CCDC78: variants seen among roughly 807,000 people sequenced by gnomAD.
The protein encoded by CCDC78 is coiled-coil domain-containing protein 78.
A neutral mutation model predicts 61.9 loss-of-function variants in CCDC78; 78 were observed. That is an observed-to-expected ratio of 1.26 (90% CI 1.05 to 1.52). The LOEUF is 1.52. Among genes scored for constraint, CCDC78 ranks in the 40% most tolerant of loss-of-function variants. The pLI, the probability that CCDC78 is intolerant of heterozygous loss-of-function variation, is 0.00. For synonymous variants in CCDC78, 287 were observed against 251.9 expected (o/e 1.14, Z -1.32); for missense variants, 737 against 615.5 (o/e 1.20, Z -2.09).
At position 724,372 on chromosome 16, in the gene CCDC78, C is replaced by G; in HGVS notation, c.903G>C (p.Lys301Asn). The G allele has an allele frequency of 6.2e-7, 1 of 1,612,352 alleles. No individual in the cohort carries two copies. Among genetic ancestry groups the G allele is most frequent in the Non-Finnish European group, 8.5e-7 (1 of 1,179,954 alleles). ...QLARAARSYH[K>N]RLVDLSRRHE... Reference sequence around the variant, plus strand: ...GCCTGCGGCTCAGATCCACCAGCCTCTTGTGGTAGCTGCGGGCAGCCCGGG... The same window carrying G: ...GCCTGCGGCTCAGATCCACCAGCCTGTTGTGGTAGCTGCGGGCAGCCCGGG... The change falls in exon 9 of 14, where the codon AAG (lysine) becomes AAC (asparagine). Residue 301 changes from lysine (K) to asparagine (N), a missense_variant. Physicochemically the swap from Lys to Asn is moderately conservative, Grantham distance 94. Transcript: ENST00000345165.
rs201331082 is a variant in CCDC78 at position 725,036 on chromosome 16, T to G, written c.560+42A>C. 7.6e-5 allele frequency: 122 copies of G among 1,612,540 alleles called. No homozygotes were observed. The African/African-American group carries it at 1.4e-3, about 18-fold the overall frequency. On this transcript the variant is annotated intron_variant, in intron 6 of 13. Coordinates refer to ENST00000345165, the MANE Select transcript of CCDC78 (RefSeq NM_001378030.1). The stretch of plus-strand genomic sequence containing the variant: ...TCAGCAGGCCCACGATCAGGGGTTC[T>G]CTCTGCTCCAGGATGGGGCCCCAGG...
intron 11 of CCDC78, chr16:723,612 C>T (rs1270606864): frequency 8.7e-6 from 6 of 693,178 alleles, no homozygotes; most frequent in Non-Finnish European, 1.6e-5. Context: ...CAGGTGTGCT[C>T]TCCCTGATCC....
chr16:725,553 C>G lies in CCDC78; in HGVS notation c.295G>C (p.Glu99Gln). Reference protein sequence around the residue: ...EILRLESRVLELELRGDGTSQ... With the variant: ...EILRLESRVLQLELRGDGTSQ... ...GTGCCATCTCCTCGCAGCTCCAGCT[C>G]CAGTACCCGGCTCTCCAGCCGAAGG... is the stretch of plus-strand genomic sequence containing the variant. Residue 99 changes from glutamate to glutamine, a missense_variant, in exon 4 of 14, where the codon GAG (glutamate) becomes CAG (glutamine). Transcript: ENST00000345165. 12 of 1,610,906 alleles carry G rather than the reference C, an allele frequency of 7.4e-6. No homozygotes were observed. The highest frequency in any genetic ancestry group is 9.3e-6 in the Non-Finnish European group (11 of 1,179,356).
At chr16:723,347 G>A (rs1596602864) in intron 11 of CCDC78, 186 bp from the exon 12 acceptor site, 2 of 733,388 alleles carry the variant, frequency 2.7e-6, no homozygotes, top group Admixed American at 2.0e-5. Context: ...CCGTGTATAG[G>A]GACAGCCCGG....
rs372009648 is a variant in CCDC78, at chr16:725,023, C to T, written c.561-34G>A. On this transcript the variant is annotated intron_variant, in intron 6 of 13. Transcript: ENST00000345165. ...ACGGGGGTGAGGCTCAGCAGGCCCACGATCAGGGGTTCTCTCTGCTCCAGG... is the reference window on the plus strand; with the variant it reads ...ACGGGGGTGAGGCTCAGCAGGCCCATGATCAGGGGTTCTCTCTGCTCCAGG... 3.5e-5 allele frequency: 56 copies of T among 1,612,416 alleles called. 1 individual carries two copies. The highest frequency in any genetic ancestry group is 1.6e-4 in the East Asian group (7 of 44,882).
chr16:724,599 C>T, intron 8 of CCDC78, 82 bp downstream of exon 8: 7 of 1,565,570 alleles, frequency 4.5e-6, no homozygotes, highest in Non-Finnish European at 6.0e-6. Context: ...GTGCCGGGGC[C>T]CTGGGGTCTC....
chr16:725,579 A>C lies in CCDC78; in HGVS notation c.269T>G (p.Ile90Ser). 6.2e-7 allele frequency: 1 copy of C among 1,607,000 alleles called. No homozygotes were observed. The highest frequency in any genetic ancestry group is 8.5e-7 in the Non-Finnish European group (1 of 1,177,340). Residue 90 changes from isoleucine to serine, a missense_variant and splice_region_variant, in exon 4 of 14, where the codon ATC becomes AGC. Ile to Ser is a moderately radical substitution (Grantham distance 142). Transcript: ENST00000345165. Reference sequence around the variant, plus strand: ...CAGTACCCGGCTCTCCAGCCGAAGGATCTGTGGGACAACTGGCATGAGCAG... The same window carrying C: ...CAGTACCCGGCTCTCCAGCCGAAGGCTCTGTGGGACAACTGGCATGAGCAG... ...EAEIFQLKSEILRLESRVLEL... is the reference protein window; with the variant it reads ...EAEIFQLKSESLRLESRVLEL...
At position 724,449 on chromosome 16, in the gene CCDC78, C is replaced by T; in HGVS notation, c.826G>A (p.Ala276Thr). The T allele has an allele frequency of 6.2e-7, 1 of 1,604,794 alleles. No individual in the cohort carries two copies. Among genetic ancestry groups the T allele is most frequent in the Non-Finnish European group, 8.5e-7 (1 of 1,179,816 alleles). The change falls in exon 9 of 14, where the codon GCG becomes ACG. Residue 276 changes from alanine (A) to threonine (T), a missense_variant. By Grantham distance (58) the Ala-to-Thr change is moderately conservative (BLOSUM62 0). Transcript: ENST00000345165. ...ATTALRTFLE[A>T]TLEDIRAAHR... ...GCTGCCCGGATGTCCTCCAGAGTCG[C>T]CTCCAGGAATGTCCGGAGGGCCGTG...
At chr16:724,656 C>T in intron 8 of CCDC78, 25 bp downstream of exon 8, 1 of 1,604,504 alleles carries the variant, frequency 6.2e-7, no homozygotes, top group Non-Finnish European at 8.5e-7. Flanking sequence ...CTCCCTAGGC[C>T]TCAGGGTGCT....
rs777647838 is a variant in CCDC78 at position 722,918 on chromosome 16, C to T, written c.1301+4G>A. On this transcript the variant is annotated splice_donor_region_variant and intron_variant, in intron 13 of 13. Transcript: ENST00000345165. ...TGGGGTCACACCCAGCTCCCTCTGC[C>T]CACCTGCCCAGGTGCTGGTCCACGT... 5 of 1,612,096 alleles carry T rather than the reference C, an allele frequency of 3.1e-6. No homozygotes were observed. The highest frequency in any genetic ancestry group is 4.2e-6 in the Non-Finnish European group (5 of 1,179,932).
Position 725,484 on chromosome 16 carries a change from G to A in CCDC78, c.364C>T (p.Pro122Ser), listed in dbSNP as rs756781117. The change falls in exon 4 of 14, where the codon CCC (proline) becomes TCC (serine). Residue 122 changes from proline (P) to serine (S), a missense_variant. Pro to Ser is a moderately conservative substitution (Grantham distance 74, BLOSUM62 -1). Coordinates refer to ENST00000345165, the MANE Select transcript of CCDC78 (RefSeq NM_001378030.1). ...AVPVESDPRH[P>S]RAAAQELRHK... ...CTGAGCTCTTGGGCTGCTGCCCGGGGATGCCTGGGGTCAGACTCCACTGGG... is the reference window on the plus strand; with the variant it reads ...CTGAGCTCTTGGGCTGCTGCCCGGGAATGCCTGGGGTCAGACTCCACTGGG... 5.6e-6 allele frequency: 9 copies of A among 1,612,732 alleles called. No individual in the cohort carries two copies. In the Admixed American group the frequency reaches 1.3e-4, roughly 24 times the overall value.
intron 10 of CCDC78, 34 bp downstream of exon 10, chr16:724,072 C>G (rs372088945): frequency 6.4e-7 from 1 of 1,563,250 alleles, no homozygotes; most frequent in Non-Finnish European, 8.7e-7. Flanking sequence ...GGGGGGCACC[C>G]GGGCCTGGAG....
chr16:724,412 C>T lies in CCDC78; in HGVS notation c.863G>A (p.Arg288His), dbSNP rs200154277. Residue 288 changes from arginine to histidine, a missense_variant, in exon 9 of 14, where the codon CGT becomes CAT. Arg to His is a conservative substitution (Grantham distance 29, BLOSUM62 0). Transcript: ENST00000345165. ...GGCAGCCCGGGCCAGCTGCTGCTCA[C>T]GGCTGCGGTGCGCTGCCCGGATGTC... is the stretch of plus-strand genomic sequence containing the variant. ...LEDIRAAHRS[R>H]EQQLARAARS... 149 of 1,610,126 alleles carry T rather than the reference C, an allele frequency of 9.3e-5. 1 individual carries two copies. In the Middle Eastern group the frequency reaches 1.2e-3, roughly 12 times the overall value.
At position 722,681 on chromosome 16, in the gene CCDC78, G is replaced by A; in HGVS notation, c.1410C>T (p.His470=). Residue 470 remains histidine, a synonymous_variant, in exon 14 of 14, where the codon CAC becomes CAT. Transcript: ENST00000345165. ...GCTCTGCTCCTTGGGAGACGGCCTA[G>A]TGGCTGCCGGTCCTTGGATGCTGGG... ...AKPQHPRTGS[H] is the part of the protein sequence containing the mutation. 6.2e-6 allele frequency: 10 copies of A among 1,605,652 alleles called. No individual in the cohort carries two copies. The highest frequency in any genetic ancestry group is 8.5e-6 in the Non-Finnish European group (10 of 1,179,726).
At position 724,105 on chromosome 16, in the gene CCDC78, C is replaced by G. The variant is rs774507863; in HGVS notation, c.1053+1G>C. 6.3e-7 allele frequency: 1 copy of G among 1,590,626 alleles called. No individual in the cohort carries two copies. The highest frequency in any genetic ancestry group is 8.6e-7 in the Non-Finnish European group (1 of 1,168,432). ...GAGCTTCTGGGGGTCTCTAGCCTCA[C>G]CTGGTCCTCCCGATGGCTGAAGTCA... On this transcript the variant is annotated splice_donor_variant, in intron 10 of 13. Coordinates refer to ENST00000345165, the MANE Select transcript of CCDC78 (RefSeq NM_001378030.1). LOFTEE classifies it high-confidence loss of function.
chr16:725,296 G>A lies in CCDC78; in HGVS notation c.436-3C>T. 10 of 1,608,248 alleles carry A rather than the reference G, an allele frequency of 6.2e-6. No homozygotes were observed. Among genetic ancestry groups the A allele is most frequent in the Non-Finnish European group, 8.5e-6 (10 of 1,179,964 alleles). ...TTCATGGTGTTCTTGGGCTGCACCT[G>A]AATGGAAGGGAGGGCAGGGAAAGCT... is the stretch of plus-strand genomic sequence containing the variant. On this transcript the variant is annotated splice_polypyrimidine_tract_variant and splice_region_variant and intron_variant, in intron 4 of 13. Transcript: ENST00000345165.
chr16:724,547 C>T, intron 8 of CCDC78, 38 bp from the exon 9 acceptor site: 1 of 1,569,056 alleles, frequency 6.4e-7, no homozygotes, highest in East Asian at 2.3e-5. Context: ...GGGCCCACCC[C>T]CCATCTTTTC....
In CCDC78 at chr16:724,688, T is replaced by A; in HGVS notation, c.758A>T (p.Gln253Leu). 1 of 1,610,654 alleles carries A rather than the reference T, an allele frequency of 6.2e-7. No individual in the cohort carries two copies. The highest frequency in any genetic ancestry group is 1.1e-5 in the South Asian group (1 of 90,902). The change falls in exon 8 of 14, where the codon CAG becomes CTG. Residue 253 changes from glutamine (Q) to leucine (L), a missense_variant. By Grantham distance (113) the Gln-to-Leu change is moderately radical. Transcript: ENST00000345165. Reference protein sequence around the residue: ...YVLRLQHCAWQAVEHADGAGQ... With the variant: ...YVLRLQHCAWLAVEHADGAGQ... Reference sequence around the variant, plus strand: ...TGCTCCTGCAGGGCTCACCACTGCCTGCCAGGCGCAGTGTTGCAGCCGTAG... The same window carrying A: ...TGCTCCTGCAGGGCTCACCACTGCCAGCCAGGCGCAGTGTTGCAGCCGTAG...
chr16:723,335 A>C (rs1358706498), intron 11 of CCDC78, 174 bp from the exon 12 acceptor site: 2 of 775,880 alleles, frequency 2.6e-6, no homozygotes, highest in Non-Finnish European at 4.4e-6. Flanking sequence ...CCTTGGAGCC[A>C]TCCGTGTATA....
Sources: allele counts gnomAD v4.1 joint callset, GRCh38; gene constraint gnomAD v4.1.1; transcripts MANE v1.5; gene names NCBI Gene and HGNC (gene_info 2026-07-23, HGNC 2026-07-21).